The following BAIAP2L1 variants were observed in gnomAD, a reference collection of about 807,000 sequenced individuals.
BAIAP2L1 encodes BAR/IMD domain containing adaptor protein 2 like 1, also known as BAR/IMD domain-containing adapter protein 2-like 1.
A neutral mutation model predicts 66.3 loss-of-function variants in BAIAP2L1; 35 were observed. The observed-to-expected ratio is 0.53, with a 90% CI of 0.40 to 0.70. The LOEUF (loss-of-function observed/expected upper bound fraction) is 0.70. Among genes scored for constraint, BAIAP2L1 ranks in the 30% least tolerant of loss-of-function variants. BAIAP2L1 has a pLI of 0.00. For missense variants in BAIAP2L1, 622 were observed against 656.9 expected (o/e 0.95, Z 0.58); for synonymous variants, 269 against 248.7 (o/e 1.08, Z -0.77).
At chr7:98,351,362 G>A (rs1275110819) in intron 3 of BAIAP2L1, among the ~76,000 whole-genome samples, 10 of 152,132 alleles carry the variant, frequency 6.6e-5, no homozygotes, top group Non-Finnish European at 1.5e-4. Context: ...GCCGACGTGG[G>A]GGCTGTCACC....
At chr7:98,382,745 A>C (rs1249030644) in intron 1 of BAIAP2L1, among the ~76,000 whole-genome samples, 1 of 152,196 alleles carries the variant, frequency 6.6e-6, no homozygotes, top group African/African-American at 2.4e-5. Context: ...TCTCGTCCAC[A>C]CCGGCCTCCA....
chr7:98,376,673 A>C (rs892890966), intron 1 of BAIAP2L1, among the ~76,000 whole-genome samples: 28 of 151,190 alleles, frequency 1.9e-4, no homozygotes, highest in African/African-American at 6.1e-4. Context: ...AAAAAAAAAA[A>C]AACACACAAA....
chr7:98,393,731 C>T (rs1210398379), intron 1 of BAIAP2L1, among the ~76,000 whole-genome samples: 1 of 151,390 alleles, frequency 6.6e-6, no homozygotes, highest in East Asian at 2.0e-4. Context: ...GCAATCCGCC[C>T]GCCTCGGCCT....
chr7:98,365,403 A>G (rs1465959989), intron 1 of BAIAP2L1, among the ~76,000 whole-genome samples: 1 of 152,068 alleles, frequency 6.6e-6, no homozygotes, highest in Non-Finnish European at 1.5e-5. Context: ...TTATGTTCCA[A>G]TTCTATTTTT....
intron 3 of BAIAP2L1, among the ~76,000 whole-genome samples, chr7:98,335,971 A>C (rs1169449292): frequency 6.6e-6 from 1 of 152,200 alleles, no homozygotes; most frequent in African/African-American, 2.4e-5. Flanking sequence ...ATCCTCCTTA[A>C]AAAGGGAAAT....
intron 3 of BAIAP2L1, among the ~76,000 whole-genome samples, chr7:98,352,750 G>A (rs1472238890): frequency 6.6e-6 from 1 of 152,160 alleles, no homozygotes; most frequent in Non-Finnish European, 1.5e-5. Context: ...AGCCTGTGTT[G>A]TTTATACCAA....
At chr7:98,311,422 T>C (rs1351647912) in intron 8 of BAIAP2L1, among the ~76,000 whole-genome samples, 4 of 151,632 alleles carry the variant, frequency 2.6e-5, no homozygotes, top group Non-Finnish European at 5.9e-5. Context: ...CGGGCGCCTG[T>C]AGTCCCAGCT....
chr7:98,360,510 C>A (rs2115719619), intron 2 of BAIAP2L1, among the ~76,000 whole-genome samples: 1 of 152,200 alleles, frequency 6.6e-6, no homozygotes. Context: ...GTATTTACTC[C>A]CCAGGAGGTG....
intron 3 of BAIAP2L1, among the ~76,000 whole-genome samples, chr7:98,325,214 C>T (rs369555912): frequency 8.6e-5 from 13 of 152,014 alleles, no homozygotes; most frequent in African/African-American, 3.1e-4. Flanking sequence ...GAAACCCTGT[C>T]TCTACTCAAA....
chr7:98,397,957 A>C (rs1434818768), intron 1 of BAIAP2L1, among the ~76,000 whole-genome samples: 1 of 152,204 alleles, frequency 6.6e-6, no homozygotes, highest in Non-Finnish European at 1.5e-5. Flanking sequence ...ACATTTCAGC[A>C]AATGTGTACA....
chr7:98,347,754 G>A (rs1326473235), intron 3 of BAIAP2L1, among the ~76,000 whole-genome samples: 1 of 151,932 alleles, frequency 6.6e-6, no homozygotes, highest in East Asian at 1.9e-4. Flanking sequence ...TGTCTGCCCG[G>A]GCGACAGAGC....
intron 1 of BAIAP2L1, among the ~76,000 whole-genome samples, chr7:98,396,000 A>T (rs1803199036): frequency 1.3e-5 from 2 of 152,246 alleles, no homozygotes; most frequent in South Asian, 4.2e-4. Context: ...TCCAAGGGAA[A>T]CCTAATGTGC....
Position 98,294,118 on chromosome 7 carries a change from G to C in BAIAP2L1, c.1423-7C>G, listed in dbSNP as rs757685013. On this transcript the variant is annotated splice_polypyrimidine_tract_variant and splice_region_variant and intron_variant, in intron 12 of 13. Transcript: ENST00000005260. The stretch of plus-strand genomic sequence containing the variant: ...CAGTCCCGTTGGCATCGTTCTGTGA[G>C]AAAGATAAAGAAGTTTATGGAGGGC... 6.2e-7 allele frequency: 1 copy of C among 1,613,848 alleles called. No individual in the cohort carries two copies. The highest frequency in any genetic ancestry group is 1.1e-5 in the South Asian group (1 of 91,072).
At chr7:98,331,639 C>T (rs963612935) in intron 3 of BAIAP2L1, among the ~76,000 whole-genome samples, 3 of 151,610 alleles carry the variant, frequency 2.0e-5, no homozygotes, top group Admixed American at 6.6e-5. Flanking sequence ...CAGCTAATTT[C>T]GTATTTTTAG....
At chr7:98,385,910 T>C (rs1802878540) in intron 1 of BAIAP2L1, 2 of 1,405,400 alleles carry the variant, frequency 1.4e-6, no homozygotes. Flanking sequence ...TCCATGAGCT[T>C]TCCCAATTCA....
At chr7:98,294,275 G>C (rs1562961534) in intron 12 of BAIAP2L1, among the ~76,000 whole-genome samples, 164 bp from the exon 13 acceptor site, 1 of 152,206 alleles carries the variant, frequency 6.6e-6, no homozygotes. Context: ...CTACAGGTGT[G>C]AGCCGCTGCG....
intron 10 of BAIAP2L1, chr7:98,307,414 A>AT (rs1208248755): frequency 1.1e-5 from 14 of 1,278,900 alleles, no homozygotes; most frequent in South Asian, 4.8e-5. Context: ...CAAATGCTAA[A>AT]TTTTTTTTAA....
intron 12 of BAIAP2L1, among the ~76,000 whole-genome samples, chr7:98,294,957 T>A (rs549710698): frequency 9.5e-4 from 145 of 152,208 alleles, no homozygotes; most frequent in African/African-American, 3.1e-3. Flanking sequence ...GGTTTAACAC[T>A]CTTTCCTGCC....
chr7:98,362,332 A>C (rs1002353913), intron 2 of BAIAP2L1, 25 bp downstream of exon 2: 1 of 1,545,144 alleles, frequency 6.5e-7, no homozygotes, highest in African/African-American at 1.4e-5. Context: ...CTTTATATAT[A>C]ATCAATTCAG....
Sources: allele counts gnomAD v4.1 joint callset (sites outside exome capture counted in the v4.1 genomes callset), GRCh38; gene constraint gnomAD v4.1.1; transcripts MANE v1.5; gene names NCBI Gene and HGNC (gene_info 2026-07-23, HGNC 2026-07-21).